SMAD1: variants seen among roughly 807,000 people sequenced by gnomAD.
SMAD1 encodes SMAD family member 1.
A neutral mutation model predicts 41.6 loss-of-function variants in SMAD1; 6 were observed. The ratio of observed to expected loss-of-function variants is 0.14; its 90% CI spans 0.08 to 0.28. The LOEUF is 0.28. Among genes scored for constraint, SMAD1 ranks in the 10% least tolerant of loss-of-function variants. The pLI, the probability that SMAD1 is intolerant of heterozygous loss-of-function variation, is 1.00. For missense variants in SMAD1, 379 were observed against 582.6 expected, an observed-to-expected ratio of 0.65 and a Z score of 3.60; for synonymous variants, 206 against 203.2, an observed-to-expected ratio of 1.01 and a Z score of -0.12.
intron 2 of SMAD1, among the ~76,000 whole-genome samples, chr4:145,527,315 C>T (rs1476112802): frequency 1.3e-5 from 2 of 151,558 alleles, no homozygotes; most frequent in Non-Finnish European, 3.0e-5. Context: ...GCTCCGCCTC[C>T]CGGGTTCACG....
At chr4:145,483,977 T>C (rs1295655674) in intron 1 of SMAD1, among the ~76,000 whole-genome samples, 4 of 152,254 alleles carry the variant, frequency 2.6e-5, no homozygotes, top group African/African-American at 9.6e-5. Flanking sequence ...TCTTGGAATT[T>C]TATGTTATTT....
chr4:145,557,976 C>T lies in SMAD1; in HGVS notation c.*42C>T. 6.7e-7 allele frequency: 1 copy of T among 1,493,648 alleles called. No individual in the cohort carries two copies. Among genetic ancestry groups the T allele is most frequent in the Non-Finnish European group, 9.1e-7 (1 of 1,100,520 alleles). The allele number at this position is 1,493,648 out of a possible 1,614,324, so 92.5% of individuals were successfully genotyped here. A position where few individuals can be genotyped will look rare whatever the true frequency, so the allele number is the denominator to read the frequency against. ...GCCTCTGGAAAACTATTGAGCCTTGCATGTACTTGAAGGATGGATGAGTCA... is the reference window on the plus strand; with the variant it reads ...GCCTCTGGAAAACTATTGAGCCTTGTATGTACTTGAAGGATGGATGAGTCA... On this transcript the variant is annotated 3_prime_UTR_variant, in exon 7 of 7. Transcript: ENST00000302085.
At chr4:145,492,513 G>T (rs1038598683) in intron 1 of SMAD1, among the ~76,000 whole-genome samples, 2 of 152,224 alleles carry the variant, frequency 1.3e-5, no homozygotes, top group Admixed American at 1.3e-4. Context: ...GCCTAACTTG[G>T]GCGTGCCACG....
chr4:145,547,918 A>G (rs1732337766), intron 5 of SMAD1, among the ~76,000 whole-genome samples: 1 of 152,190 alleles, frequency 6.6e-6, no homozygotes, highest in African/African-American at 2.4e-5. Flanking sequence ...AAGGGCCCAG[A>G]AGCATACATA....
chr4:145,541,223 A>AT (rs1226994647), intron 3 of SMAD1, among the ~76,000 whole-genome samples: 1 of 152,162 alleles, frequency 6.6e-6, no homozygotes, highest in African/African-American at 2.4e-5. Flanking sequence ...ATTAAAGGTT[A>AT]TTGCTTGAAT....
intron 1 of SMAD1, among the ~76,000 whole-genome samples, chr4:145,509,972 A>G (rs375451292): frequency 4.6e-5 from 7 of 152,192 alleles, no homozygotes; most frequent in African/African-American, 1.7e-4. Context: ...GCCAGGTACT[A>G]TGCCAAGTTC....
intron 1 of SMAD1, among the ~76,000 whole-genome samples, chr4:145,501,664 G>GT (rs1560730094): frequency 6.7e-6 from 1 of 150,364 alleles, no homozygotes; most frequent in Non-Finnish European, 1.5e-5. Context: ...TAAAGGGATA[G>GT]TTTTTTCCTC....
chr4:145,509,126 A>G (rs1460147479), intron 1 of SMAD1, among the ~76,000 whole-genome samples: 1 of 152,224 alleles, frequency 6.6e-6, no homozygotes, highest in Admixed American at 6.5e-5. Context: ...GCCCATGGGC[A>G]ATGGTATAAT....
At chr4:145,553,292 AT>A (rs35528395) in intron 5 of SMAD1, among the ~76,000 whole-genome samples, 87,330 of 151,786 alleles carry the variant, frequency 0.58, 25,938 homozygotes, top group African/African-American at 0.69. Context: ...GTTAACTAAG[AT>A]TTTTATCAGT....
At chr4:145,490,637 TTGTTTTATAAGAAG>T (rs1560721430) in intron 1 of SMAD1, among the ~76,000 whole-genome samples, 4 of 152,214 alleles carry the variant, frequency 2.6e-5, no homozygotes, top group African/African-American at 9.7e-5. Flanking sequence ...CAACACTTAC[TTGTTTTATAAGAAG>T]CCTGATGAAC....
intron 1 of SMAD1, among the ~76,000 whole-genome samples, chr4:145,483,991 C>T (rs2126924261): frequency 6.6e-6 from 1 of 152,296 alleles, no homozygotes; most frequent in Admixed American, 6.5e-5. Flanking sequence ...GTTATTTTTA[C>T]TAAGTTCATT....
At chr4:145,515,368 C>G (rs1730326299) in intron 2 of SMAD1, among the ~76,000 whole-genome samples, 1 of 151,988 alleles carries the variant, frequency 6.6e-6, no homozygotes, top group Admixed American at 6.6e-5. Flanking sequence ...CTGCATTTCT[C>G]TAGATAAAAT....
rs753790034 is a variant in SMAD1, at chr4:145,514,665, C to A, written c.52C>A (p.Leu18Ile). 1 of 1,613,656 alleles carries A rather than the reference C, an allele frequency of 6.2e-7. No homozygotes were observed. Among genetic ancestry groups the A allele is most frequent in the Admixed American group, 1.7e-5 (1 of 59,908 alleles). Residue 18 changes from leucine to isoleucine, a missense_variant, in exon 2 of 7, where the codon CTT (leucine) becomes ATT (isoleucine). Coordinates refer to ENST00000302085, the MANE Select transcript of SMAD1 (RefSeq NM_005900.3). This position sits in a 1 kb window ranked among gnomAD's most constrained non-coding sequence, Gnocchi z 4.7. ...SFTSPAVKRL[L>I]GWKQGDEEEK... The stretch of plus-strand genomic sequence containing the variant: ...TACAAGTCCAGCTGTGAAGAGACTT[C>A]TTGGGTGGAAACAGGGCGATGAAGA...
chr4:145,547,887 A>G (rs1732335633), intron 5 of SMAD1, among the ~76,000 whole-genome samples: 2 of 133,690 alleles, frequency 1.5e-5, no homozygotes, highest in South Asian at 4.9e-4. Flanking sequence ...ACTTGCGTAT[A>G]GTTTCTGATC....
At chr4:145,485,945 G>C (rs1578728234) in intron 1 of SMAD1, among the ~76,000 whole-genome samples, 1 of 152,174 alleles carries the variant, frequency 6.6e-6, no homozygotes, top group East Asian at 1.9e-4. Context: ...GCTTCAGGAG[G>C]TACAGTGAAT....
intron 4 of SMAD1, among the ~76,000 whole-genome samples, chr4:145,543,356 G>A (rs980239225): frequency 6.6e-6 from 1 of 152,174 alleles, no homozygotes; most frequent in Non-Finnish European, 1.5e-5. Flanking sequence ...GATTTCCAAA[G>A]TTGGAAGTTG....
At chr4:145,552,414 C>T (rs747636068) in intron 5 of SMAD1, among the ~76,000 whole-genome samples, 4 of 152,180 alleles carry the variant, frequency 2.6e-5, no homozygotes, top group African/African-American at 7.2e-5. Flanking sequence ...TGGGATCTAA[C>T]GCTGCTGGGT....
At chr4:145,541,324 G>T (rs1257686680) in intron 3 of SMAD1, among the ~76,000 whole-genome samples, 1 of 152,236 alleles carries the variant, frequency 6.6e-6, no homozygotes, top group African/African-American at 2.4e-5. Flanking sequence ...GGAGGTGCCT[G>T]TAGGAATAGT....
rs368971041 is a variant in SMAD1 at position 145,542,551 on chromosome 4, T to C, written c.659-31T>C. 52 of 1,366,452 alleles carry C rather than the reference T, an allele frequency of 3.8e-5. No individual in the cohort carries two copies. In the African/African-American group the frequency reaches 4.6e-4, roughly 12 times the overall value. The allele number at this position is 1,366,452 out of a possible 1,614,324, so 84.6% of individuals were successfully genotyped here. A position where few individuals can be genotyped will look rare whatever the true frequency, so the allele number is the denominator to read the frequency against. On this transcript the variant is annotated intron_variant, in intron 3 of 6. Transcript: ENST00000302085. ...TTTGAGCATGTATGTTTACTAAGGGTTAAGAAATAACTTCTTTAAAAACTT... is the reference window on the plus strand; with the variant it reads ...TTTGAGCATGTATGTTTACTAAGGGCTAAGAAATAACTTCTTTAAAAACTT...
Sources: allele counts gnomAD v4.1 joint callset (sites outside exome capture counted in the v4.1 genomes callset), GRCh38; gene constraint gnomAD v4.1.1; non-coding constraint Gnocchi (gnomAD v3.1); transcripts MANE v1.5; gene names NCBI Gene and HGNC (gene_info 2026-07-23, HGNC 2026-07-21).